The following ELAVL1 variants were observed in gnomAD, a reference collection of about 807,000 sequenced individuals.
The protein encoded by ELAVL1 is ELAV-like protein 1.
ELAVL1 carries 1 observed loss-of-function variant against 28.4 expected under a neutral mutation model. That is an observed-to-expected ratio of 0.04 (90% CI 0.01 to 0.17). The LOEUF (loss-of-function observed/expected upper bound fraction) is 0.17. Ranked by LOEUF, ELAVL1 falls within the 10% of genes least tolerant of loss-of-function variation. The probability of loss-of-function intolerance (pLI) is 1.00; values close to 1 mark genes in which losing one functional copy is unlikely to be tolerated. For missense variants in ELAVL1, 157 were observed against 447.2 expected (o/e 0.35, Z 5.85); for synonymous variants, 174 against 183.5 (o/e 0.95, Z 0.42).
rs962679591 is a variant in ELAVL1 at position 7,981,575 on chromosome 19, G to T, written c.173-389C>A. On this transcript the variant is annotated intron_variant, in intron 2 of 5. Transcript: ENST00000407627. The surrounding 1 kb of genome is among the most constrained non-coding windows in gnomAD (Gnocchi z 4.2). ...GGGTCTCACTATGTCACCCAGGCTG[G>T]TCTAAAACTTCTGGGCTCAAGCAAT... Among the ~76,000 whole-genome samples the T allele has an allele frequency of 1.3e-5, 2 of 151,916 alleles. No homozygotes were observed. Among genetic ancestry groups the T allele is most frequent in the African/African-American group, 4.8e-5 (2 of 41,322 alleles).
At chr19:7,964,498 C>A (rs1436965830) in intron 5 of ELAVL1, among the ~76,000 whole-genome samples, 1 of 152,094 alleles carries the variant, frequency 6.6e-6, no homozygotes, top group African/African-American at 2.4e-5. Context: ...TGACCACACA[C>A]GTGGGGCTCT....
rs1388987301 is a variant in ELAVL1 at position 7,973,311 on chromosome 19, A to G, written c.430+414T>C. ...AGTGGCAAGACCTCGGCTCACTGCA[A>G]CCTCCGCTTCCCGGGTTCATGCCAT... On this transcript the variant is annotated intron_variant, in intron 4 of 5. Transcript: ENST00000407627. The G allele has an allele frequency of 3.8e-5, 11 of 287,830 alleles. No individual in the cohort carries two copies. In the East Asian group the frequency reaches 5.7e-4, roughly 15 times the overall value. The allele number at this position is 287,830 out of a possible 1,614,324, so 17.8% of individuals were successfully genotyped here.
rs150491891 is a variant in ELAVL1 at position 7,976,511 on chromosome 19, C to T, written c.277-2633G>A. Reference sequence around the variant, plus strand: ...AAGTCTGTGTGAAGATGGAGGCAGACACTGGGGTGATGCTTCTCTAAAGCA... The same window carrying T: ...AAGTCTGTGTGAAGATGGAGGCAGATACTGGGGTGATGCTTCTCTAAAGCA... On this transcript the variant is annotated intron_variant, in intron 3 of 5. Transcript: ENST00000407627. Among the ~76,000 whole-genome samples, 598 of 152,266 alleles carry T rather than the reference C, an allele frequency of 3.9e-3. 2 individuals are homozygous for T. The highest frequency in any genetic ancestry group is 0.014 in the African/African-American group (562 of 41,554).
At chr19:8,001,825 C>T (rs1287374842) in intron 1 of ELAVL1, among the ~76,000 whole-genome samples, 1 of 152,116 alleles carries the variant, frequency 6.6e-6, no homozygotes, top group Non-Finnish European at 1.5e-5. Context: ...GCCAATCTTT[C>T]CTTTCCCTGG....
At chr19:7,974,731 C>T (rs779777045) in intron 3 of ELAVL1, among the ~76,000 whole-genome samples, 12 of 152,000 alleles carry the variant, frequency 7.9e-5, no homozygotes, top group South Asian at 4.2e-4. Flanking sequence ...TGAACCTGTG[C>T]GAAAGGAAGT....
At chr19:7,996,785 A>C (rs62123129) in intron 1 of ELAVL1, among the ~76,000 whole-genome samples, 35,408 of 152,018 alleles carry the variant, frequency 0.23, 4,399 homozygotes, top group Non-Finnish European at 0.28. Flanking sequence ...TGTACTCCAA[A>C]CTGGGCGATA....
At chr19:7,995,560 T>C (rs1177529812) in intron 1 of ELAVL1, among the ~76,000 whole-genome samples, 7 of 152,216 alleles carry the variant, frequency 4.6e-5, no homozygotes, top group Admixed American at 4.6e-4. Context: ...TTTGTTTATG[T>C]ATTGTCTGTC....
chr19:7,994,088 T>C (rs1193798249), intron 1 of ELAVL1, among the ~76,000 whole-genome samples: 1 of 152,174 alleles, frequency 6.6e-6, no homozygotes, highest in Non-Finnish European at 1.5e-5. Context: ...AAAAAAAGAC[T>C]GAAAAGTGAG....
At chr19:7,997,746 C>G (rs2081054303) in intron 1 of ELAVL1, among the ~76,000 whole-genome samples, 1 of 151,692 alleles carries the variant, frequency 6.6e-6, no homozygotes, top group African/African-American at 2.4e-5. Context: ...TCAAGACCAG[C>G]CTGGGCAGCA....
chr19:7,970,000 T>C (rs887396860), intron 4 of ELAVL1, among the ~76,000 whole-genome samples: 1 of 151,882 alleles, frequency 6.6e-6, no homozygotes, highest in African/African-American at 2.4e-5. Context: ...TAAGATGGAG[T>C]CTCGCTCTGT....
intron 2 of ELAVL1, among the ~76,000 whole-genome samples, chr19:7,990,234 C>T (rs1985714453): frequency 6.6e-6 from 1 of 152,070 alleles, no homozygotes. Context: ...GTTGGCCAGG[C>T]TGGTCTCGAA....
chr19:8,004,649 TCTC>T (rs1255128749), intron 1 of ELAVL1, among the ~76,000 whole-genome samples: 2 of 152,092 alleles, frequency 1.3e-5, no homozygotes, highest in Non-Finnish European at 2.9e-5. Context: ...GACAGATCAT[TCTC>T]CTCATCTTCC....
intron 4 of ELAVL1, among the ~76,000 whole-genome samples, chr19:7,969,492 C>T (rs542750136): frequency 2.6e-5 from 4 of 152,308 alleles, no homozygotes; most frequent in South Asian, 2.1e-4. Context: ...CCTAGCGCTA[C>T]GCACACGTGC....
At position 7,962,557 on chromosome 19, in the gene ELAVL1, G is replaced by T. The variant is rs950654524; in HGVS notation, c.*926C>A. On this transcript the variant is annotated 3_prime_UTR_variant, in exon 6 of 6. Transcript: ENST00000407627. ...AAAGGTCTAAGCGCTCACGAGAAGGGATGCGAGAAATACAATGCTCAAATG... is the reference window on the plus strand; with the variant it reads ...AAAGGTCTAAGCGCTCACGAGAAGGTATGCGAGAAATACAATGCTCAAATG... 6.6e-6 allele frequency: 1 copy of T among 152,568 alleles called. No homozygotes were observed. The highest frequency in any genetic ancestry group is 1.5e-5 in the Non-Finnish European group (1 of 68,038). 9.5% of individuals were successfully genotyped at this position (152,568 alleles called of 1,614,324 possible). A position where few individuals can be genotyped will look rare whatever the true frequency, so the allele number is the denominator to read the frequency against.
chr19:7,987,107 G>C (rs999316788), intron 2 of ELAVL1, among the ~76,000 whole-genome samples: 2 of 134,482 alleles, frequency 1.5e-5, no homozygotes, highest in African/African-American at 2.9e-5. Flanking sequence ...GAGCCTGACC[G>C]GGGGGTGCCG....
Position 7,982,068 on chromosome 19 carries a change from AC to A in ELAVL1, c.173-883del. ...CAGGTTCACAGGCAGATGTCCCTGT[AC>A]CCCCTTTGTGAAACACTCAGCACAG... is the stretch of plus-strand genomic sequence containing the variant. On this transcript the variant is annotated intron_variant, in intron 2 of 5. Coordinates refer to ENST00000407627, the MANE Select transcript of ELAVL1 (RefSeq NM_001419.3). The surrounding 1 kb of genome is among the most constrained non-coding windows in gnomAD (Gnocchi z 4.3). 6.6e-6 allele frequency among the ~76,000 whole-genome samples: 1 copy of A among 151,880 alleles called. No homozygotes were observed. Among genetic ancestry groups the A allele is most frequent in the East Asian group, 1.9e-4 (1 of 5,160 alleles).
At chr19:7,999,004 T>A (rs2081058413) in intron 1 of ELAVL1, among the ~76,000 whole-genome samples, 2 of 152,134 alleles carry the variant, frequency 1.3e-5, no homozygotes, top group African/African-American at 4.8e-5. Flanking sequence ...CTTCAAGTCA[T>A]CCTCCCACCT....
At chr19:7,973,489 C>G (rs564201408) in intron 4 of ELAVL1, 2 of 550,004 alleles carry the variant, frequency 3.6e-6, no homozygotes, top group Non-Finnish European at 6.3e-6. Flanking sequence ...CTTGGCCTCC[C>G]AAAGTGCTGG....
At chr19:7,992,411 C>A (rs1985776161) in intron 1 of ELAVL1, among the ~76,000 whole-genome samples, 1 of 152,132 alleles carries the variant, frequency 6.6e-6, no homozygotes, top group African/African-American at 2.4e-5. Context: ...TTCAGCTGCA[C>A]AGGGGCATAT....
Sources: allele counts gnomAD v4.1 joint callset (sites outside exome capture counted in the v4.1 genomes callset), GRCh38; gene constraint gnomAD v4.1.1; non-coding constraint Gnocchi (gnomAD v3.1); transcripts MANE v1.5; gene names NCBI Gene and HGNC (gene_info 2026-07-23, HGNC 2026-07-21).